ASB1: variants seen among roughly 807,000 people sequenced by gnomAD.
ASB1 encodes the protein ankyrin repeat and SOCS box containing 1, also known as ankyrin repeat and SOCS box protein 1.
Under a neutral mutation model 27.7 loss-of-function variants are expected in ASB1, and 18 were observed. The ratio of observed to expected loss-of-function variants is 0.65; its 90% CI spans 0.45 to 0.96. The LOEUF is 0.96. Ranked by LOEUF, ASB1 falls within the 50% of genes least tolerant of loss-of-function variation. ASB1 has a pLI of 0.00. For synonymous variants in ASB1, 189 were observed against 187.6 expected, an observed-to-expected ratio of 1.01 and a Z score of -0.06; for missense variants, 397 against 451.7, an observed-to-expected ratio of 0.88 and a Z score of 1.10.
intron 4 of ASB1, among the ~76,000 whole-genome samples, chr2:238,445,232 G>A (rs1368326544): frequency 2.0e-5 from 3 of 152,118 alleles, no homozygotes; most frequent in Non-Finnish European, 4.4e-5. Context: ...GCCCGCCTCA[G>A]CCTCCCAAAG....
At chr2:238,438,767 T>C (rs1356576412) in intron 3 of ASB1, among the ~76,000 whole-genome samples, 1 of 152,268 alleles carries the variant, frequency 6.6e-6, no homozygotes, top group Non-Finnish European at 1.5e-5. Context: ...TGCAATTTTC[T>C]GTCCCTCTGT....
rs1202039232 is a variant in ASB1, at chr2:238,426,957, G to C, written c.-114G>C. On this transcript the variant is annotated 5_prime_UTR_variant, in exon 1 of 5. Coordinates refer to ENST00000264607, the MANE Select transcript of ASB1 (RefSeq NM_001040445.3). ...GGCCGGCGCGCGCCCGCCGGAAGCC[G>C]CGACCCCGACGCGCCCCCCATTGCC... The C allele has an allele frequency of 1.2e-6, 1 of 860,240 alleles. No homozygotes were observed. Among genetic ancestry groups the C allele is most frequent in the East Asian group, 3.5e-5 (1 of 28,460 alleles). The allele number at this position is 860,240 out of a possible 1,614,324, so 53.3% of individuals were successfully genotyped here.
chr2:238,430,720 A>G (rs1457483159), intron 1 of ASB1, among the ~76,000 whole-genome samples: 1 of 152,276 alleles, frequency 6.6e-6, no homozygotes, highest in African/African-American at 2.4e-5. Context: ...CGTGAAAGTC[A>G]GAATGACTCC....
At chr2:238,430,011 T>C (rs1056720192) in intron 1 of ASB1, among the ~76,000 whole-genome samples, 1 of 152,152 alleles carries the variant, frequency 6.6e-6, no homozygotes, top group South Asian at 2.1e-4. Context: ...AAAAATACTT[T>C]ATTGCTGAAA....
chr2:238,447,644 C>G lies in ASB1; in HGVS notation c.*1133C>G, dbSNP rs1313786794. On this transcript the variant is annotated 3_prime_UTR_variant, in exon 5 of 5. Coordinates refer to ENST00000264607, the MANE Select transcript of ASB1 (RefSeq NM_001040445.3). ...GCCTCAGAGCCCTCCCAGGTTGCTGCTGTTTCCAGTGAATCACATTTCGTC... is the reference window on the plus strand; with the variant it reads ...GCCTCAGAGCCCTCCCAGGTTGCTGGTGTTTCCAGTGAATCACATTTCGTC... 1 of 152,260 alleles carries G rather than the reference C, an allele frequency of 6.6e-6. No individual in the cohort carries two copies. Among genetic ancestry groups the G allele is most frequent in the East Asian group, 1.9e-4 (1 of 5,200 alleles). The allele number at this position is 152,260 out of a possible 1,614,324, so 9.4% of individuals were successfully genotyped here.
At chr2:238,434,299 C>T (rs1195840508) in intron 2 of ASB1, among the ~76,000 whole-genome samples, 3 of 152,226 alleles carry the variant, frequency 2.0e-5, no homozygotes, top group South Asian at 2.1e-4. Context: ...CTTCCCTCTC[C>T]CTGCTCAGGA....
At chr2:238,433,331 G>T (rs1701905789) in intron 1 of ASB1, 3 of 514,128 alleles carry the variant, frequency 5.8e-6, no homozygotes, top group South Asian at 2.4e-5. Context: ...TTGCTGTGTT[G>T]CCCAGGCTGA....
rs1559415986 is a variant in ASB1 at position 238,444,273 on chromosome 2, T to TCTGTGGGATCTGTG, written c.495-69_495-68insCTGTGGGATCTGTG. Reference sequence around the variant, plus strand: ...TGCTCAGGGTGGCTGTGGGATTTGTTGGATCTGTGGGATCTGTGGGCTGTG... The same window carrying TCTGTGGGATCTGTG: ...TGCTCAGGGTGGCTGTGGGATTTGTTCTGTGGGATCTGTGGGATCTGTGGGATCTGTGGGCTGTG... On this transcript the variant is annotated intron_variant, in intron 3 of 4. Transcript: ENST00000264607. 54 of 1,523,606 alleles carry TCTGTGGGATCTGTG rather than the reference T, an allele frequency of 3.5e-5. No homozygotes were observed. In the East Asian group the frequency reaches 1.0e-3, roughly 30 times the overall value. 94.4% of individuals were successfully genotyped at this position (1,523,606 alleles called of 1,614,324 possible).
At chr2:238,435,610 C>A in intron 2 of ASB1, 101 bp from the exon 3 acceptor site, 1 of 1,258,968 alleles carries the variant, frequency 7.9e-7, no homozygotes, top group Non-Finnish European at 1.1e-6. Flanking sequence ...CGTTATTAAC[C>A]AGAGGGGGAC....
intron 2 of ASB1, among the ~76,000 whole-genome samples, chr2:238,434,159 G>T (rs1159731519): frequency 6.6e-6 from 1 of 152,202 alleles, no homozygotes; most frequent in Non-Finnish European, 1.5e-5. Context: ...CTCAGCCTTA[G>T]GCCCTTTTAC....
Position 238,449,601 on chromosome 2 carries a change from A to G in ASB1, c.*3090A>G, listed in dbSNP as rs1029803256. On this transcript the variant is annotated 3_prime_UTR_variant, in exon 5 of 5. Coordinates refer to ENST00000264607, the MANE Select transcript of ASB1 (RefSeq NM_001040445.3). ...CGGGTGAGGGGTTTTAGATAAACCCATCAATATCACCCACATTCTGTGACT... is the reference window on the plus strand; with the variant it reads ...CGGGTGAGGGGTTTTAGATAAACCCGTCAATATCACCCACATTCTGTGACT... The G allele has an allele frequency of 1.3e-5, 2 of 152,302 alleles. No individual in the cohort carries two copies. Among genetic ancestry groups the G allele is most frequent in the Admixed American group, 6.5e-5 (1 of 15,292 alleles). The allele number at this position is 152,302 out of a possible 1,614,324, so 9.4% of individuals were successfully genotyped here. A position where few individuals can be genotyped will look rare whatever the true frequency, so the allele number is the denominator to read the frequency against.
chr2:238,437,736 A>G (rs552643800), intron 3 of ASB1, among the ~76,000 whole-genome samples: 24 of 152,210 alleles, frequency 1.6e-4, no homozygotes, highest in African/African-American at 5.8e-4. Context: ...ATTGAAAAGG[A>G]TTAGGTAAGG....
At chr2:238,435,571 C>A in intron 2 of ASB1, 140 bp from the exon 3 acceptor site, 1 of 849,750 alleles carries the variant, frequency 1.2e-6, no homozygotes, top group Non-Finnish European at 1.8e-6. Context: ...GGTGTGAGAG[C>A]ATTTCAGAAG....
chr2:238,434,425 C>T (rs1251290003), intron 2 of ASB1, among the ~76,000 whole-genome samples: 1 of 152,242 alleles, frequency 6.6e-6, no homozygotes, highest in East Asian at 1.9e-4. Context: ...ACTATCCATG[C>T]TGCTGTTGTG....
At chr2:238,429,938 A>G (rs1447161333) in intron 1 of ASB1, among the ~76,000 whole-genome samples, 1 of 13,788 alleles carries the variant, frequency 7.3e-5, no homozygotes, top group Non-Finnish European at 1.2e-4. Context: ...ACTCCGTCTC[A>G]AAAAAAAAAA....
chr2:238,439,507 A>G (rs915822556), intron 3 of ASB1, among the ~76,000 whole-genome samples: 2 of 152,170 alleles, frequency 1.3e-5, no homozygotes, highest in Non-Finnish European at 2.9e-5. Context: ...AAGGTGACGC[A>G]GTTCTGTCCT....
At chr2:238,429,937 CAA>C (rs34241968) in intron 1 of ASB1, among the ~76,000 whole-genome samples, 123 of 132,682 alleles carry the variant, frequency 9.3e-4, no homozygotes, top group African/African-American at 2.3e-3. Flanking sequence ...GACTCCGTCT[CAA>C]AAAAAAAAAA....
rs975074580 is a variant in ASB1, at chr2:238,426,989, G to T, written c.-82G>T. 4.9e-5 allele frequency: 56 copies of T among 1,142,024 alleles called. No homozygotes were observed. Among genetic ancestry groups the T allele is most frequent in the Non-Finnish European group, 6.1e-5 (55 of 907,892 alleles). 70.7% of individuals were successfully genotyped at this position (1,142,024 alleles called of 1,614,324 possible). On this transcript the variant is annotated 5_prime_UTR_variant, in exon 1 of 5. Coordinates refer to ENST00000264607, the MANE Select transcript of ASB1 (RefSeq NM_001040445.3). ...CGACGCGCCCCCCATTGCCCTCGGCGCCGGAAGTGGTCGCGGGTCGTTCTG... is the reference window on the plus strand; with the variant it reads ...CGACGCGCCCCCCATTGCCCTCGGCTCCGGAAGTGGTCGCGGGTCGTTCTG...
In ASB1 at chr2:238,444,365, A is replaced by C. The variant is rs80289904; in HGVS notation, c.518A>C (p.Asn173Thr). ...LIRYGADVDVNHHLTPDVQPR... is the reference protein window; with the variant it reads ...LIRYGADVDVTHHLTPDVQPR... ...AGGTACGGGGCTGATGTTGACGTCA[A>C]CCACCACCTGACTCCTGATGTCCAG... Residue 173 changes from asparagine to threonine, a missense_variant, in exon 4 of 5, where the codon AAC (asparagine) becomes ACC (threonine). By Grantham distance (65) the Asn-to-Thr change is moderately conservative. Coordinates refer to ENST00000264607, the MANE Select transcript of ASB1 (RefSeq NM_001040445.3). 9.3e-6 allele frequency: 15 copies of C among 1,609,596 alleles called. No individual in the cohort carries two copies. Among genetic ancestry groups the C allele is most frequent in the Non-Finnish European group, 1.3e-5 (15 of 1,176,456 alleles).
Sources: allele counts gnomAD v4.1 joint callset (sites outside exome capture counted in the v4.1 genomes callset), GRCh38; gene constraint gnomAD v4.1.1; transcripts MANE v1.5; gene names NCBI Gene and HGNC (gene_info 2026-07-23, HGNC 2026-07-21).